The following MINDY4B variants were observed in gnomAD, a reference collection of about 807,000 sequenced individuals.
MINDY4B encodes inactive ubiquitin carboxyl-terminal hydrolase MINDY-4B.
Under a neutral mutation model 16.7 loss-of-function variants are expected in MINDY4B, and 25 were observed. The observed-to-expected ratio is 1.49, with a 90% CI of 1.09 to 2.09. The LOEUF (loss-of-function observed/expected upper bound fraction) is 2.09, where lower values mean the gene tolerates loss of function less well. Ranked by LOEUF, MINDY4B falls within the 30% of genes most tolerant of loss-of-function variation. The pLI is 0.00. For synonymous variants in MINDY4B, 132 were observed against 61.9 expected, an observed-to-expected ratio of 2.13 and a Z score of -5.32; for missense variants, 327 against 168.4, an observed-to-expected ratio of 1.94 and a Z score of -5.21.
intron 5 of MINDY4B, among the ~76,000 whole-genome samples, chr3:150,891,984 C>T (rs1711827200): frequency 6.6e-6 from 1 of 152,128 alleles, no homozygotes; most frequent in South Asian, 2.1e-4. Flanking sequence ...TGCTAAGTGC[C>T]TTACCTTTAT....
At chr3:150,904,449 A>G (rs1374840700) in intron 2 of MINDY4B, among the ~76,000 whole-genome samples, 4 of 152,182 alleles carry the variant, frequency 2.6e-5, no homozygotes, top group East Asian at 3.8e-4. Context: ...TTAATGATTC[A>G]ATTGCTTGAT....
intron 3 of MINDY4B, among the ~76,000 whole-genome samples, chr3:150,903,035 C>A (rs367798779): frequency 6.6e-6 from 1 of 152,182 alleles, no homozygotes; most frequent in African/African-American, 2.4e-5. Context: ...TAAAGAGAGA[C>A]TCAGAGTTTG....
chr3:150,897,932 A>C (rs371127248), intron 3 of MINDY4B, among the ~76,000 whole-genome samples: 1 of 152,248 alleles, frequency 6.6e-6, no homozygotes, highest in East Asian at 1.9e-4. Flanking sequence ...TTTCCCTGAC[A>C]TTGAGATTGC....
At chr3:150,898,852 T>C (rs930551263) in intron 3 of MINDY4B, among the ~76,000 whole-genome samples, 5 of 152,210 alleles carry the variant, frequency 3.3e-5, no homozygotes, top group African/African-American at 1.2e-4. Context: ...ACAGGGTTAA[T>C]GTTCTTACCC....
Position 150,893,427 on chromosome 3 carries a change from A to G in MINDY4B, c.430-12T>C, listed in dbSNP as rs1339738410. ...CTTCGGGCCCCTCCCTGAAATGAGG[A>G]GAATGAATGACGAGGTGAAGAACTC... On this transcript the variant is annotated splice_polypyrimidine_tract_variant and intron_variant, in intron 4 of 11. Coordinates refer to ENST00000465419, the MANE Select transcript of MINDY4B (RefSeq NM_001351281.2). 7 of 702,658 alleles carry G rather than the reference A, an allele frequency of 1.0e-5. No individual in the cohort carries two copies. The highest frequency in any genetic ancestry group is 2.0e-5 in the Admixed American group (1 of 49,986). The allele number at this position is 702,658 out of a possible 1,614,324, so 43.5% of individuals were successfully genotyped here.
At chr3:150,886,126 C>T (rs520976) in intron 7 of MINDY4B, among the ~76,000 whole-genome samples, 2 of 152,100 alleles carry the variant, frequency 1.3e-5, no homozygotes, top group South Asian at 2.1e-4. Flanking sequence ...TCTGAAGGTG[C>T]CTTGCAATCT....
At chr3:150,905,200 T>C (rs1188191146) in intron 1 of MINDY4B, 111 bp from the exon 2 acceptor site, 2 of 398,232 alleles carry the variant, frequency 5.0e-6, no homozygotes, top group African/African-American at 4.1e-5. Context: ...CACGAATAGT[T>C]ATGCCTGAAG....
At position 150,871,078 on chromosome 3, in the gene MINDY4B, G is replaced by A. The variant is rs560907297; in HGVS notation, c.1350C>T (p.Thr450=). Residue 450 remains threonine (T), a synonymous_variant, in exon 12 of 12, where the codon ACC becomes ACT. Coordinates refer to ENST00000465419, the MANE Select transcript of MINDY4B (RefSeq NM_001351281.2). ...MAIRTKWSEA[T]INWNGTVPFF is the part of the protein sequence containing the mutation. ...AGGGAACGGTCCCATTCCAGTTGAT[G>A]GTGGCCTCGCTCCACTTGGTTCTGA... 2 of 702,896 alleles carry A rather than the reference G, an allele frequency of 2.8e-6. No homozygotes were observed. The highest frequency in any genetic ancestry group is 2.7e-5 in the East Asian group (1 of 37,278). 43.5% of individuals were successfully genotyped at this position (702,896 alleles called of 1,614,324 possible). A position where few individuals can be genotyped will look rare whatever the true frequency, so the allele number is the denominator to read the frequency against.
chr3:150,895,837 T>C (rs1208177250), intron 3 of MINDY4B, among the ~76,000 whole-genome samples: 2 of 152,212 alleles, frequency 1.3e-5, no homozygotes, highest in African/African-American at 2.4e-5. Flanking sequence ...TCCTAGGTGA[T>C]GATTTTTTTG....
Position 150,904,232 on chromosome 3 carries a change from CT to C in MINDY4B, c.142-817del, listed in dbSNP as rs201349194. ...CCACCGTGTGTAAAGCATAACTTGA[CT>C]TTTTTTTCTTTTAAAGATTGTTTTA... On this transcript the variant is annotated intron_variant, in intron 2 of 11. Coordinates refer to ENST00000465419, the MANE Select transcript of MINDY4B (RefSeq NM_001351281.2). Among the ~76,000 whole-genome samples, 1,376 of 152,116 alleles carry C rather than the reference CT, an allele frequency of 9.0e-3. 26 individuals are homozygous for C. The highest frequency in any genetic ancestry group is 0.032 in the African/African-American group (1,318 of 41,496).
At chr3:150,871,867 C>G (rs1169103674) in intron 11 of MINDY4B, among the ~76,000 whole-genome samples, 2 of 152,006 alleles carry the variant, frequency 1.3e-5, no homozygotes, top group African/African-American at 2.4e-5. Flanking sequence ...CAACCGACCC[C>G]ACTTCTCCAT....
intron 3 of MINDY4B, among the ~76,000 whole-genome samples, chr3:150,900,767 G>A (rs536434376): frequency 1.5e-4 from 23 of 152,050 alleles, no homozygotes; most frequent in African/African-American, 4.4e-4. Flanking sequence ...GTCATGGGGC[G>A]GTCCCCAGTT....
chr3:150,887,011 C>T (rs1711638779), intron 7 of MINDY4B, among the ~76,000 whole-genome samples: 1 of 152,164 alleles, frequency 6.6e-6, no homozygotes, highest in Non-Finnish European at 1.5e-5. Context: ...CCTATATATA[C>T]ATACCTATGA....
chr3:150,878,693 G>C (rs1711500673), intron 10 of MINDY4B, among the ~76,000 whole-genome samples: 1 of 152,186 alleles, frequency 6.6e-6, no homozygotes, highest in Non-Finnish European at 1.5e-5. Context: ...CCCACTTCCA[G>C]TTTGTGAGCA....
At chr3:150,885,791 T>C (rs1167416018) in intron 7 of MINDY4B, among the ~76,000 whole-genome samples, 1 of 152,114 alleles carries the variant, frequency 6.6e-6, no homozygotes, top group African/African-American at 2.4e-5. Flanking sequence ...CAGCCTCTTC[T>C]CTCCTCATGT....
intron 9 of MINDY4B, 31 bp from the exon 10 acceptor site, chr3:150,883,089 T>G (rs1401473123): frequency 1.6e-5 from 10 of 638,156 alleles, no homozygotes; most frequent in Non-Finnish European, 1.1e-5. Context: ...ATACTTATAT[T>G]TTAGATAGCA....
intron 11 of MINDY4B, 36 bp from the exon 12 acceptor site, chr3:150,871,223 T>C (rs1364555206): frequency 4.3e-6 from 3 of 697,422 alleles, no homozygotes; most frequent in Non-Finnish European, 7.8e-6. Context: ...GACCCAAGCC[T>C]ATGAACACCA....
At chr3:150,885,750 C>T (rs1435952316) in intron 7 of MINDY4B, among the ~76,000 whole-genome samples, 1 of 152,196 alleles carries the variant, frequency 6.6e-6, no homozygotes, top group Non-Finnish European at 1.5e-5. Flanking sequence ...CACTGCTGCT[C>T]TTTGCTGCCC....
At chr3:150,893,696 T>TGG (rs761403270) in intron 4 of MINDY4B, among the ~76,000 whole-genome samples, 23 of 53,622 alleles carry the variant, frequency 4.3e-4, no homozygotes, top group East Asian at 2.9e-3. Context: ...AGTTTTTTTT[T>TGG]GGGGGGGGGG....
Sources: gnomAD v4.1 joint callset for allele counts (sites outside exome capture counted in the v4.1 genomes callset) on GRCh38, gnomAD v4.1.1 for gene constraint, MANE v1.5 for transcripts, NCBI Gene and HGNC (gene_info 2026-07-23, HGNC 2026-07-21) for gene names.